Variants in HS6ST3 observed in about 807,000 individuals in gnomAD.
HS6ST3 encodes the protein heparan sulfate 6-O-sulfotransferase 3.
Under a neutral mutation model 36.7 loss-of-function variants are expected in HS6ST3, and 12 were observed. The observed-to-expected ratio is 0.33, with a 90% CI of 0.21 to 0.53. The LOEUF (loss-of-function observed/expected upper bound fraction) is 0.53. HS6ST3 is among the 20% of genes least tolerant of loss of function. HS6ST3 has a pLI of 0.95. For synonymous variants in HS6ST3, 240 were observed against 257.5 expected (o/e 0.93, Z 0.65); for missense variants, 584 against 640.9 (o/e 0.91, Z 0.96).
intron 1 of HS6ST3, among the ~76,000 whole-genome samples, chr13:96,628,728 C>G (rs2056521539): frequency 6.6e-6 from 1 of 151,904 alleles, no homozygotes; most frequent in African/African-American, 2.4e-5. Context: ...TTTTTTTCCT[C>G]CTTAGAGTCT....
chr13:96,153,305 G>A (rs1203992819), intron 1 of HS6ST3, among the ~76,000 whole-genome samples: 1 of 152,178 alleles, frequency 6.6e-6, no homozygotes, highest in Non-Finnish European at 1.5e-5. Context: ...GAGTTCAGAA[G>A]CACGAGCTCA....
At chr13:96,648,127 G>A (rs2056595051) in intron 1 of HS6ST3, among the ~76,000 whole-genome samples, 1 of 152,040 alleles carries the variant, frequency 6.6e-6, no homozygotes, top group African/African-American at 2.4e-5. Flanking sequence ...TGGCCATGAT[G>A]GAGCTTTTAT....
intron 1 of HS6ST3, among the ~76,000 whole-genome samples, chr13:96,673,944 T>A (rs1013732216): frequency 4.6e-5 from 7 of 152,182 alleles, no homozygotes; most frequent in African/African-American, 1.7e-4. Context: ...TTGAGAAGAT[T>A]GCTTCAAATG....
intron 1 of HS6ST3, among the ~76,000 whole-genome samples, chr13:96,557,232 A>G (rs1392366319): frequency 6.6e-6 from 1 of 152,156 alleles, no homozygotes; most frequent in African/African-American, 2.4e-5. Context: ...GTTTTCATAG[A>G]TGAAGGTGTA....
intron 1 of HS6ST3, among the ~76,000 whole-genome samples, chr13:96,100,726 T>G (rs1187618207): frequency 3.3e-5 from 5 of 152,154 alleles, no homozygotes; most frequent in Non-Finnish European, 7.4e-5. Context: ...ACTTAGAAGC[T>G]AAAGGGCAAG....
chr13:96,282,106 A>G (rs2054778779), intron 1 of HS6ST3, among the ~76,000 whole-genome samples: 1 of 152,164 alleles, frequency 6.6e-6, no homozygotes, highest in South Asian at 2.1e-4. Flanking sequence ...ATGCCTTCAC[A>G]TCTAATGTAC....
At chr13:96,180,194 G>C (rs545972737) in intron 1 of HS6ST3, among the ~76,000 whole-genome samples, 11 of 150,808 alleles carry the variant, frequency 7.3e-5, no homozygotes, top group African/African-American at 2.7e-4. Flanking sequence ...ACATACACAC[G>C]CACACACACA....
At chr13:96,558,017 C>CT (rs1271245692) in intron 1 of HS6ST3, among the ~76,000 whole-genome samples, 11 of 152,204 alleles carry the variant, frequency 7.2e-5, no homozygotes, top group Admixed American at 2.0e-4. Context: ...TTGGGCTGTC[C>CT]AATTATCATC....
intron 1 of HS6ST3, among the ~76,000 whole-genome samples, chr13:96,327,856 T>G (rs1320164765): frequency 6.7e-6 from 1 of 149,020 alleles, no homozygotes; most frequent in Non-Finnish European, 1.5e-5. Context: ...TTTATTTCCT[T>G]GAGCAGTGGT....
intron 1 of HS6ST3, among the ~76,000 whole-genome samples, chr13:96,589,767 A>T (rs193296492): frequency 4.6e-4 from 70 of 152,174 alleles, no homozygotes; most frequent in Non-Finnish European, 8.1e-4. Flanking sequence ...GTGTTAGCCA[A>T]TACTAGGTCT....
chr13:96,743,114 A>G (rs1284550988), intron 1 of HS6ST3, among the ~76,000 whole-genome samples: 2 of 152,052 alleles, frequency 1.3e-5, no homozygotes, highest in African/African-American at 2.4e-5. Context: ...TGAGCTCTCC[A>G]AGAAGATCAT....
At chr13:96,152,889 C>A (rs372967788) in intron 1 of HS6ST3, among the ~76,000 whole-genome samples, 3 of 152,110 alleles carry the variant, frequency 2.0e-5, no homozygotes, top group African/African-American at 7.2e-5. Flanking sequence ...CTAATCTAGC[C>A]TGACTGCTTG....
At chr13:96,826,132 A>T (rs940852957) in intron 1 of HS6ST3, among the ~76,000 whole-genome samples, 1 of 152,232 alleles carries the variant, frequency 6.6e-6, no homozygotes, top group African/African-American at 2.4e-5. Flanking sequence ...TTAAAAATAA[A>T]TAAATAAACC....
chr13:96,619,567 T>G (rs916059077), intron 1 of HS6ST3, among the ~76,000 whole-genome samples: 3 of 152,328 alleles, frequency 2.0e-5, no homozygotes, highest in Admixed American at 6.5e-5. Context: ...TCTGTGGCAC[T>G]GAGGTGCAGT....
intron 1 of HS6ST3, among the ~76,000 whole-genome samples, chr13:96,328,691 C>T (rs1196943119): frequency 2.6e-5 from 4 of 152,050 alleles, no homozygotes; most frequent in Non-Finnish European, 4.4e-5. Context: ...TGATGCTGGC[C>T]TCATAAAATG....
intron 1 of HS6ST3, among the ~76,000 whole-genome samples, chr13:96,704,825 T>A (rs1875378421): frequency 6.6e-6 from 1 of 152,218 alleles, no homozygotes; most frequent in South Asian, 2.1e-4. Context: ...TTGAGGTTTC[T>A]ATCAGGGATG....
intron 1 of HS6ST3, among the ~76,000 whole-genome samples, chr13:96,149,684 A>T (rs1273521004): frequency 6.6e-6 from 1 of 152,234 alleles, no homozygotes; most frequent in African/African-American, 2.4e-5. Context: ...ATCCTCCCCT[A>T]TAATGGCAGT....
chr13:96,721,685 G>A (rs543865862), intron 1 of HS6ST3, among the ~76,000 whole-genome samples: 1 of 152,016 alleles, frequency 6.6e-6, no homozygotes, highest in East Asian at 1.9e-4. Context: ...AAACACATAG[G>A]GCCAGATATG....
At chr13:96,828,678 G>T (rs1369688553) in intron 1 of HS6ST3, among the ~76,000 whole-genome samples, 1 of 150,222 alleles carries the variant, frequency 6.7e-6, no homozygotes, top group Non-Finnish European at 1.5e-5. Context: ...TCTGGAATGG[G>T]TTAGACTCTT....
Sources: gnomAD v4.1 joint callset for allele counts (sites outside exome capture counted in the v4.1 genomes callset) on GRCh38, gnomAD v4.1.1 for gene constraint, MANE v1.5 for transcripts, NCBI Gene and HGNC (gene_info 2026-07-23, HGNC 2026-07-21) for gene names.